Variants in MYRF observed in about 807,000 individuals in gnomAD.
MYRF encodes the protein myelin gene regulatory factor.
A neutral mutation model predicts 126.3 loss-of-function variants in MYRF; 16 were observed. The observed-to-expected ratio is 0.13, with a 90% confidence interval of 0.09 to 0.19. MYRF has a LOEUF of 0.19. Among genes scored for constraint, MYRF ranks in the 10% least tolerant of loss-of-function variants. The pLI is 1.00. For missense variants in MYRF, 1,104 were observed against 1,547.0 expected, an observed-to-expected ratio of 0.71 and a Z score of 4.80; for synonymous variants, 608 against 635.3, an observed-to-expected ratio of 0.96 and a Z score of 0.65.
chr11:61,774,200 G>A (rs896400695), intron 8 of MYRF, 38 bp downstream of exon 8: 2 of 1,544,658 alleles, frequency 1.3e-6, no homozygotes, highest in Middle Eastern at 1.7e-4. Context: ...AGGGCAGGAG[G>A]GCCCTTTGGG....
At position 61,752,693 on chromosome 11, in the gene MYRF, G is replaced by A. The variant is rs1250210959; in HGVS notation, c.-52G>A. On this transcript the variant is annotated 5_prime_UTR_variant, in exon 1 of 27. Coordinates refer to ENST00000278836, the MANE Select transcript of MYRF (RefSeq NM_001127392.3). ...GCCGCGCCGGCGATGCCGCGCCCCC[G>A]GGCCGGGCTGTAGCGGGGCCGCGGC... The A allele has an allele frequency of 4.0e-6, 5 of 1,264,154 alleles. No homozygotes were observed. Among genetic ancestry groups the A allele is most frequent in the South Asian group, 5.8e-5 (2 of 34,532 alleles). 78.3% of individuals were successfully genotyped at this position (1,264,154 alleles called of 1,614,324 possible).
At chr11:61,756,255 A>G (rs1012123412) in intron 1 of MYRF, among the ~76,000 whole-genome samples, 2 of 152,088 alleles carry the variant, frequency 1.3e-5, no homozygotes, top group African/African-American at 4.8e-5. Context: ...AGAGTTAGCC[A>G]GAGTGGACAC....
Position 61,776,519 on chromosome 11 carries a change from C to G in MYRF, c.1499+87C>G. 1 of 1,128,172 alleles carries G rather than the reference C, an allele frequency of 8.9e-7. No individual in the cohort carries two copies. The highest frequency in any genetic ancestry group is 2.0e-4 in the Middle Eastern group (1 of 5,078). The allele number at this position is 1,128,172 out of a possible 1,614,324, so 69.9% of individuals were successfully genotyped here. A position where few individuals can be genotyped will look rare whatever the true frequency, so the allele number is the denominator to read the frequency against. On this transcript the variant is annotated intron_variant, in intron 10 of 26. Coordinates refer to ENST00000278836, the MANE Select transcript of MYRF (RefSeq NM_001127392.3). This position sits in a 1 kb window ranked among gnomAD's most constrained non-coding sequence, Gnocchi z 4.3. ...TGGGTGGCACACCAGGCACAGAGTC[C>G]TACAGGCTGAGCCATTTCACAGATG...
chr11:61,761,418 G>T (rs1421334872), intron 1 of MYRF, among the ~76,000 whole-genome samples: 1 of 152,202 alleles, frequency 6.6e-6, no homozygotes, highest in Non-Finnish European at 1.5e-5. Context: ...GAGGAGAGAA[G>T]AGCGGAGCGG....
rs765459768 is a variant in MYRF at position 61,765,689 on chromosome 11, C to A, written c.111C>A (p.Ile37=). 6.2e-7 allele frequency: 1 copy of A among 1,612,854 alleles called. No homozygotes were observed. Among genetic ancestry groups the A allele is most frequent in the Non-Finnish European group, 8.5e-7 (1 of 1,179,804 alleles). The change falls in exon 2 of 27, where the codon ATC becomes ATA. Residue 37 remains isoleucine, a synonymous_variant. Transcript: ENST00000278836. ...ACACCAGCATCCTGGAGGAGTACAT[C>A]AGCAAGGAGGATGCCTCCGACCTGT... ...NIDTSILEEY[I]SKEDASDLCF...
At chr11:61,782,392 G>C (rs141664598) in intron 22 of MYRF, 5 of 152,438 alleles carry the variant, frequency 3.3e-5, no homozygotes, top group Admixed American at 3.3e-4. Flanking sequence ...GGATTTTGTG[G>C]CTTCAAGAAA....
chr11:61,773,975 T>C lies in MYRF; in HGVS notation c.1124T>C (p.Leu375Pro). ...YDANYKELPM[L>P]TYRVDADKGF... ...CTCACCCGCCCCCCCAGGCCCATGC[T>C]CACCTACCGCGTGGATGCGGACAAG... The change falls in exon 8 of 27, where the codon CTC becomes CCC. Residue 375 changes from leucine (L) to proline (P), a missense_variant. Transcript: ENST00000278836. The C allele has an allele frequency of 6.3e-7, 1 of 1,591,794 alleles. No homozygotes were observed. Among genetic ancestry groups the C allele is most frequent in the Non-Finnish European group, 8.6e-7 (1 of 1,165,212 alleles).
At chr11:61,753,196 T>G (rs569258) in intron 1 of MYRF, among the ~76,000 whole-genome samples, 3 of 151,662 alleles carry the variant, frequency 2.0e-5, no homozygotes, top group African/African-American at 7.3e-5. Flanking sequence ...AGACCCCCGG[T>G]GTGCCTTCTA....
At chr11:61,755,694 G>C in intron 1 of MYRF, 1 of 693,196 alleles carries the variant, frequency 1.4e-6, no homozygotes, top group African/African-American at 1.8e-5. Context: ...TCACTGCCCA[G>C]CCCTGGGAAG....
In MYRF at chr11:61,752,679, G is replaced by T; in HGVS notation, c.-66G>T. 1 of 1,211,724 alleles carries T rather than the reference G, an allele frequency of 8.3e-7. No homozygotes were observed. Among genetic ancestry groups the T allele is most frequent in the Non-Finnish European group, 1.0e-6 (1 of 966,960 alleles). 75.1% of individuals were successfully genotyped at this position (1,211,724 alleles called of 1,614,324 possible). On this transcript the variant is annotated 5_prime_UTR_variant, in exon 1 of 27. Coordinates refer to ENST00000278836, the MANE Select transcript of MYRF (RefSeq NM_001127392.3). ...GGACTGTCGCGCGGGCCGCGCCGGC[G>T]ATGCCGCGCCCCCGGGCCGGGCTGT... is the stretch of plus-strand genomic sequence containing the variant.
At chr11:61,780,133 C>A in intron 17 of MYRF, 89 bp from the exon 18 acceptor site, 1 of 1,497,580 alleles carries the variant, frequency 6.7e-7, no homozygotes, top group Non-Finnish European at 9.2e-7. Flanking sequence ...GGAGCCCAGC[C>A]TCAGGAGCAA....
At chr11:61,771,781 G>C in intron 6 of MYRF, 31 bp downstream of exon 6, 1 of 1,613,364 alleles carries the variant, frequency 6.2e-7, no homozygotes, top group Non-Finnish European at 8.5e-7. Flanking sequence ...TCAAGGTGGG[G>C]TGTGGGACCC....
intron 1 of MYRF, among the ~76,000 whole-genome samples, chr11:61,754,812 A>G (rs1425641990): frequency 6.6e-6 from 1 of 152,202 alleles, no homozygotes; most frequent in African/African-American, 2.4e-5. Flanking sequence ...AACAGCTCCC[A>G]GCCCCTGCGA....
chr11:61,752,990 T>C (rs965403931), intron 1 of MYRF, among the ~76,000 whole-genome samples, 200 bp downstream of exon 1: 1 of 151,642 alleles, frequency 6.6e-6, no homozygotes, highest in African/African-American at 2.4e-5. Flanking sequence ...GAAGTTGGGC[T>C]CCCCCTCCCC....
At position 61,777,466 on chromosome 11, in the gene MYRF, T is replaced by TG; in HGVS notation, c.1791+6dup. The TG allele has an allele frequency of 6.8e-7, 1 of 1,467,958 alleles. No homozygotes were observed. Among genetic ancestry groups the TG allele is most frequent in the Admixed American group, 1.9e-5 (1 of 51,924 alleles). The allele number at this position is 1,467,958 out of a possible 1,614,324, so 90.9% of individuals were successfully genotyped here. On this transcript the variant is annotated splice_region_variant and intron_variant, in intron 12 of 26. Coordinates refer to ENST00000278836, the MANE Select transcript of MYRF (RefSeq NM_001127392.3). The surrounding 1 kb of genome is among the most constrained non-coding windows in gnomAD (Gnocchi z 8.8). ...CGCGCCAAGGAACACGTGCAGGAGGTGGGGACAGGGCTGTGGGGGCCGGGC... is the reference window on the plus strand; with the variant it reads ...CGCGCCAAGGAACACGTGCAGGAGGTGGGGGACAGGGCTGTGGGGGCCGGGC...
chr11:61,779,987 G>A, intron 17 of MYRF, 57 bp downstream of exon 17: 1 of 1,475,320 alleles, frequency 6.8e-7, no homozygotes, highest in Non-Finnish European at 9.4e-7. Context: ...GCTGCCCAGT[G>A]GAGTCAGCTG....
Position 61,783,701 on chromosome 11 carries a change from C to A in MYRF, c.3119+101C>A. The A allele has an allele frequency of 7.3e-7, 1 of 1,372,718 alleles. No homozygotes were observed. The highest frequency in any genetic ancestry group is 1.0e-6 in the Non-Finnish European group (1 of 978,272). The allele number at this position is 1,372,718 out of a possible 1,614,324, so 85.0% of individuals were successfully genotyped here. ...CTTGCCCTTTCAGGGAGGAGCCTCC[C>A]CCATAAGGAAGGGTAGCCCCTTTCC... On this transcript the variant is annotated intron_variant, in intron 23 of 26. Coordinates refer to ENST00000278836, the MANE Select transcript of MYRF (RefSeq NM_001127392.3). The surrounding 1 kb of genome is among the most constrained non-coding windows in gnomAD (Gnocchi z 4.6).
chr11:61,766,792 C>T (rs1214459025), intron 3 of MYRF: 15 of 333,374 alleles, frequency 4.5e-5, no homozygotes, highest in African/African-American at 1.1e-4. Context: ...GGCAGCCACC[C>T]GGCCAGCCAG....
chr11:61,781,900 A>G, intron 22 of MYRF, 76 bp downstream of exon 22: 1 of 1,445,622 alleles, frequency 6.9e-7, no homozygotes, highest in East Asian at 2.4e-5. Flanking sequence ...CAGCCCAGTC[A>G]TGTGACTGTC....
Sources: gnomAD v4.1 joint callset for allele counts (sites outside exome capture counted in the v4.1 genomes callset) on GRCh38, gnomAD v4.1.1 for gene constraint, Gnocchi (gnomAD v3.1) non-coding constraint, MANE v1.5 for transcripts, NCBI Gene and HGNC (gene_info 2026-07-23, HGNC 2026-07-21) for gene names.